The following URB2 variants were observed in gnomAD, a reference collection of about 807,000 sequenced individuals.
The protein encoded by URB2 is URB2 ribosome biogenesis homolog.
In URB2, 86 loss-of-function variants were observed where a neutral mutation model predicts 120.9. That is an observed-to-expected ratio of 0.71 (90% confidence interval 0.60 to 0.85). URB2 has a LOEUF of 0.85. Among genes scored for constraint, URB2 ranks in the 40% least tolerant of loss-of-function variants. The pLI, the probability that URB2 is intolerant of heterozygous loss-of-function variation, is 0.00. For missense variants in URB2, 1,765 were observed against 1,836.5 expected (o/e 0.96, Z 0.71); for synonymous variants, 755 against 758.4 (o/e 1.00, Z 0.07).
At position 229,647,756 on chromosome 1, in the gene URB2, A is replaced by C; in HGVS notation, c.4149+4A>C. 6.2e-7 allele frequency: 1 copy of C among 1,609,580 alleles called. No homozygotes were observed. The highest frequency in any genetic ancestry group is 8.5e-7 in the Non-Finnish European group (1 of 1,176,528). Reference sequence around the variant, plus strand: ...AATCCTGCAGTGTCACCCTAAGGTGAGAAGGAGGGTGAGAGTGGCAGGCAG... The same window carrying C: ...AATCCTGCAGTGTCACCCTAAGGTGCGAAGGAGGGTGAGAGTGGCAGGCAG... On this transcript the variant is annotated splice_donor_region_variant and intron_variant, in intron 7 of 9. Coordinates refer to ENST00000258243, the MANE Select transcript of URB2 (RefSeq NM_014777.4).
chr1:229,654,207 GT>G, intron 8 of URB2, 41 bp from the exon 9 acceptor site: 1 of 1,606,830 alleles, frequency 6.2e-7, no homozygotes, highest in Non-Finnish European at 8.5e-7. Context: ...AAAATGTGCT[GT>G]TTTTGAACTA....
intron 8 of URB2, among the ~76,000 whole-genome samples, chr1:229,653,879 TTAAGA>T (rs1042901333): frequency 2.0e-5 from 3 of 151,864 alleles, no homozygotes; most frequent in Non-Finnish European, 4.4e-5. Context: ...TTTTCTCCAC[TTAAGA>T]TAATTTTCAA....
intron 5 of URB2, among the ~76,000 whole-genome samples, chr1:229,644,440 C>T (rs1055926105): frequency 4.6e-5 from 7 of 152,268 alleles, no homozygotes; most frequent in African/African-American, 7.2e-5. Context: ...GGAGACTTCC[C>T]GGAGGAAGTG....
Position 229,634,905 on chromosome 1 carries a change from C to G in URB2, c.304-12C>G. The G allele has an allele frequency of 1.3e-6, 2 of 1,505,838 alleles. No homozygotes were observed. The highest frequency in any genetic ancestry group is 4.6e-5 in the East Asian group (2 of 43,736). 93.3% of individuals were successfully genotyped at this position (1,505,838 alleles called of 1,614,324 possible). A position where few individuals can be genotyped will look rare whatever the true frequency, so the allele number is the denominator to read the frequency against. On this transcript the variant is annotated splice_polypyrimidine_tract_variant and intron_variant, in intron 3 of 9. Coordinates refer to ENST00000258243, the MANE Select transcript of URB2 (RefSeq NM_014777.4). ...GGTCAGTAATGAATTTTCTTTCTTT[C>G]TTAATGTTCAGATCATCAATGAGAG... is the stretch of plus-strand genomic sequence containing the variant.
At chr1:229,638,603 G>A (rs978564936) in intron 4 of URB2, among the ~76,000 whole-genome samples, 2 of 151,370 alleles carry the variant, frequency 1.3e-5, no homozygotes, top group African/African-American at 4.9e-5. Flanking sequence ...CCAAGATCGC[G>A]CCACTGCACT....
At chr1:229,628,148 T>C (rs1025177061) in intron 2 of URB2, among the ~76,000 whole-genome samples, 15 of 124,360 alleles carry the variant, frequency 1.2e-4, no homozygotes, top group Non-Finnish European at 2.1e-4. Flanking sequence ...ATATATATAA[T>C]ATATATAGTA....
intron 4 of URB2, among the ~76,000 whole-genome samples, chr1:229,642,550 C>T (rs913824329): frequency 2.6e-5 from 4 of 152,076 alleles, no homozygotes; most frequent in South Asian, 2.1e-4. Flanking sequence ...TGGGGCCAGA[C>T]GATAAAGGGC....
In URB2 at chr1:229,658,720, T is replaced by C. The variant is rs138258639; in HGVS notation, c.4378-380T>C. On this transcript the variant is annotated intron_variant, in intron 9 of 9. Transcript: ENST00000258243. ...AGGTGATTGACGGTGTAGAAGAATT[T>C]GACACAATGGGCAGGCAGCTTATCT... Among the ~76,000 whole-genome samples the C allele has an allele frequency of 2.7e-3, 416 of 152,258 alleles. 7 individuals are homozygous for C. Among genetic ancestry groups the C allele is most frequent in the African/African-American group, 9.8e-3 (406 of 41,546 alleles).
chr1:229,640,563 C>T (rs1665981115), intron 4 of URB2, among the ~76,000 whole-genome samples: 1 of 152,102 alleles, frequency 6.6e-6, no homozygotes, highest in South Asian at 2.1e-4. Context: ...TTAAGCACAC[C>T]TTAACCTCTG....
Position 229,636,812 on chromosome 1 carries a change from C to T in URB2, c.2199C>T (p.Leu733=). 6.2e-7 allele frequency: 1 copy of T among 1,612,928 alleles called. No homozygotes were observed. Among genetic ancestry groups the T allele is most frequent in the Non-Finnish European group, 8.5e-7 (1 of 1,179,084 alleles). ...GCCAAGTTGGGATGGTGAGTGGACT[C>T]ACATACCCTGTAGCACACTGGCACT... ...WDGQVGMVSG[L]TYPVAHWHLI... Residue 733 remains leucine (L), a synonymous_variant, in exon 4 of 10, where the codon CTC becomes CTT. Coordinates refer to ENST00000258243, the MANE Select transcript of URB2 (RefSeq NM_014777.4).
chr1:229,652,124 A>G (rs1479154523), intron 8 of URB2, among the ~76,000 whole-genome samples: 2 of 152,078 alleles, frequency 1.3e-5, no homozygotes, highest in East Asian at 3.9e-4. Context: ...GGAGGTTGCA[A>G]TGAGCTGAGA....
intron 1 of URB2, among the ~76,000 whole-genome samples, chr1:229,626,820 C>T (rs925910750): frequency 6.6e-6 from 1 of 152,192 alleles, no homozygotes; most frequent in African/African-American, 2.4e-5. Flanking sequence ...AGTCAGGCAT[C>T]GTTGAATTCG....
chr1:229,638,956 T>G (rs1477814377), intron 4 of URB2, among the ~76,000 whole-genome samples: 2 of 152,210 alleles, frequency 1.3e-5, no homozygotes, highest in Non-Finnish European at 2.9e-5. Context: ...TAGGTTCTTA[T>G]GTATCAGACT....
intron 4 of URB2, among the ~76,000 whole-genome samples, chr1:229,641,799 A>T (rs1376208338): frequency 6.6e-6 from 1 of 152,112 alleles, no homozygotes; most frequent in South Asian, 2.1e-4. Flanking sequence ...GAGCCAAGAG[A>T]TCACTTGAGG....
Position 229,647,704 on chromosome 1 carries a change from C to T in URB2, c.4101C>T (p.Phe1367=), listed in dbSNP as rs1369412158. ...HLKPLEYGSV[F]PRLHNVLFSI... Reference sequence around the variant, plus strand: ...AGCCGCTGGAGTATGGAAGCGTCTTCCCGAGGCTGCACAACGTGCTCTTCT... The same window carrying T: ...AGCCGCTGGAGTATGGAAGCGTCTTTCCGAGGCTGCACAACGTGCTCTTCT... The change falls in exon 7 of 10, where the codon TTC becomes TTT. Residue 1367 remains phenylalanine, a synonymous_variant. Coordinates refer to ENST00000258243, the MANE Select transcript of URB2 (RefSeq NM_014777.4). The T allele has an allele frequency of 6.2e-7, 1 of 1,614,108 alleles. No homozygotes were observed. The highest frequency in any genetic ancestry group is 2.2e-5 in the East Asian group (1 of 44,878).
chr1:229,646,259 C>T (rs998872152), intron 6 of URB2, among the ~76,000 whole-genome samples: 9 of 152,104 alleles, frequency 5.9e-5, no homozygotes, highest in African/African-American at 2.2e-4. Flanking sequence ...GGGAGGCTAT[C>T]GTGGAGGCCT....
At chr1:229,652,229 T>C (rs1666296840) in intron 8 of URB2, among the ~76,000 whole-genome samples, 1 of 152,068 alleles carries the variant, frequency 6.6e-6, no homozygotes, top group South Asian at 2.1e-4. Context: ...ATTTCGATTT[T>C]ATTTTGCAGT....
chr1:229,655,109 A>G (rs1666376746), intron 9 of URB2, among the ~76,000 whole-genome samples: 1 of 152,198 alleles, frequency 6.6e-6, no homozygotes, highest in South Asian at 2.1e-4. Flanking sequence ...GCTCTCAGAC[A>G]CTCAAAGTCG....
chr1:229,656,330 A>G (rs929264636), intron 9 of URB2, among the ~76,000 whole-genome samples: 3 of 152,226 alleles, frequency 2.0e-5, no homozygotes, highest in African/African-American at 7.2e-5. Context: ...GTCACTAATT[A>G]TTATTCTGAA....
Sources: allele counts gnomAD v4.1 joint callset (sites outside exome capture counted in the v4.1 genomes callset), GRCh38; gene constraint gnomAD v4.1.1; transcripts MANE v1.5; gene names NCBI Gene and HGNC (gene_info 2026-07-23, HGNC 2026-07-21).